Variants in PRKN observed in about 807,000 individuals in gnomAD.
PRKN encodes the protein E3 ubiquitin-protein ligase parkin.
A neutral mutation model predicts 59.5 loss-of-function variants in PRKN; 56 were observed. That is an observed-to-expected ratio of 0.94 (90% CI 0.76 to 1.18). The LOEUF (loss-of-function observed/expected upper bound fraction) is 1.18. Among genes scored for constraint, PRKN ranks in the 50% most tolerant of loss-of-function variants. The pLI, the probability that PRKN is intolerant of heterozygous loss-of-function variation, is 0.00. For missense variants in PRKN, 657 were observed against 596.4 expected (o/e 1.10, Z -1.06); for synonymous variants, 250 against 222.1 (o/e 1.13, Z -1.12).
intron 7 of PRKN, among the ~76,000 whole-genome samples, chr6:161,603,366 G>A (rs1468069403): frequency 6.6e-6 from 1 of 152,116 alleles, no homozygotes; most frequent in Non-Finnish European, 1.5e-5. Flanking sequence ...ACTTCCCATG[G>A]GAATCGTCCA....
intron 2 of PRKN, among the ~76,000 whole-genome samples, chr6:162,288,820 A>G (rs1408278105): frequency 6.6e-6 from 1 of 152,222 alleles, no homozygotes; most frequent in African/African-American, 2.4e-5. Flanking sequence ...GCAGATACCT[A>G]TGCTTGGCTG....
intron 1 of PRKN, among the ~76,000 whole-genome samples, chr6:162,613,716 C>G (rs1207897763): frequency 6.6e-6 from 1 of 152,174 alleles, no homozygotes; most frequent in African/African-American, 2.4e-5. Flanking sequence ...TGAAAGTCAT[C>G]CTTCCTGAGT....
intron 3 of PRKN, among the ~76,000 whole-genome samples, chr6:162,246,244 C>T (rs1469635089): frequency 6.6e-6 from 1 of 152,020 alleles, no homozygotes. Context: ...TGCAATCTGA[C>T]TACTGTCCTT....
chr6:161,872,950 T>G (rs1157438350), intron 6 of PRKN, among the ~76,000 whole-genome samples: 1 of 139,970 alleles, frequency 7.1e-6, no homozygotes, highest in Non-Finnish European at 1.5e-5. Context: ...CTGTAAGACA[T>G]ACAGTAATGA....
At chr6:161,913,997 C>A (rs1457885358) in intron 6 of PRKN, among the ~76,000 whole-genome samples, 1 of 152,168 alleles carries the variant, frequency 6.6e-6, no homozygotes, top group Non-Finnish European at 1.5e-5. Context: ...GGACTTCATA[C>A]CCTCCAGAAT....
rs576301487 is a variant in PRKN at position 162,057,349 on chromosome 6, C to T, written c.535-3175G>A. 5.3e-5 allele frequency among the ~76,000 whole-genome samples: 8 copies of T among 152,140 alleles called. No homozygotes were observed. The East Asian group carries it at 1.4e-3, about 26-fold the overall frequency. On this transcript the variant is annotated intron_variant, in intron 4 of 11. Coordinates refer to ENST00000366898, the MANE Select transcript of PRKN (RefSeq NM_004562.3). ...AGCTTGGACAATATAAAAGCAAAAA[C>T]AGAAATGTGAGGACTTGGAAGGCAG...
chr6:161,870,078 GT>G (rs1433785663), intron 6 of PRKN, among the ~76,000 whole-genome samples: 1 of 152,120 alleles, frequency 6.6e-6, no homozygotes, highest in Admixed American at 6.6e-5. Flanking sequence ...GGATAGAAAA[GT>G]ACATTTTCTC....
intron 1 of PRKN, among the ~76,000 whole-genome samples, chr6:162,705,470 T>A (rs1483492148): frequency 6.6e-6 from 1 of 152,118 alleles, no homozygotes; most frequent in Non-Finnish European, 1.5e-5. Flanking sequence ...AAGTGTAAAA[T>A]CTAGATGTCC....
intron 2 of PRKN, among the ~76,000 whole-genome samples, chr6:162,277,556 A>T (rs796450760): frequency 8.8e-5 from 13 of 148,154 alleles, no homozygotes; most frequent in South Asian, 6.5e-4. Context: ...AGAATAATTT[A>T]AAAAAATTAT....
At chr6:161,541,752 C>T (rs985435473) in intron 9 of PRKN, among the ~76,000 whole-genome samples, 4 of 151,356 alleles carry the variant, frequency 2.6e-5, no homozygotes, top group Admixed American at 1.3e-4. Flanking sequence ...ACCTTGAAGG[C>T]GGAGGTGACA....
chr6:161,694,171 C>T (rs933796810), intron 7 of PRKN, among the ~76,000 whole-genome samples: 1 of 152,146 alleles, frequency 6.6e-6, no homozygotes, highest in Admixed American at 6.5e-5. Context: ...TGATATCCTT[C>T]ATTTACCAGA....
intron 7 of PRKN, among the ~76,000 whole-genome samples, chr6:161,740,737 CAG>C (rs1361838169): frequency 6.6e-6 from 1 of 152,202 alleles, no homozygotes; most frequent in African/African-American, 2.4e-5. Flanking sequence ...TGATTCAGTG[CAG>C]AGTCTCACAT....
chr6:162,140,878 C>T (rs1362631717), intron 4 of PRKN, among the ~76,000 whole-genome samples: 1 of 152,168 alleles, frequency 6.6e-6, no homozygotes, highest in Non-Finnish European at 1.5e-5. Flanking sequence ...CCTGTAATCC[C>T]AGCTCTTTGG....
At chr6:161,955,271 T>C (rs1229464760) in intron 6 of PRKN, among the ~76,000 whole-genome samples, 1 of 152,054 alleles carries the variant, frequency 6.6e-6, no homozygotes. Context: ...CCACCCTTCA[T>C]TGGTGACAAA....
Position 162,639,744 on chromosome 6 carries a change from C to G in PRKN, c.7+87918G>C, listed in dbSNP as rs950269519. 4.6e-5 allele frequency among the ~76,000 whole-genome samples: 7 copies of G among 151,950 alleles called. No individual in the cohort carries two copies. The East Asian group carries it at 1.4e-3, about 29-fold the overall frequency. On this transcript the variant is annotated intron_variant, in intron 1 of 11. Transcript: ENST00000366898. ...ACCCCTTATGATTATAAATAATCCT[C>G]AAAGATTATCTTTAAAGAAAAAGTC...
chr6:161,380,017 G>A (rs1378443972), intron 10 of PRKN, among the ~76,000 whole-genome samples: 3 of 152,146 alleles, frequency 2.0e-5, no homozygotes, highest in Non-Finnish European at 4.4e-5. Flanking sequence ...CCTGCCTGTG[G>A]CTGATAAGGC....
chr6:161,868,254 C>G (rs889396138), intron 6 of PRKN, among the ~76,000 whole-genome samples: 1 of 147,554 alleles, frequency 6.8e-6, no homozygotes, highest in Admixed American at 6.6e-5. Flanking sequence ...ACGCAAGATC[C>G]TAAAATAAGA....
chr6:162,017,735 T>C (rs1309228928), intron 5 of PRKN, among the ~76,000 whole-genome samples: 5 of 152,212 alleles, frequency 3.3e-5, no homozygotes. Flanking sequence ...ACATCCATCA[T>C]CTTCTGAAAC....
intron 6 of PRKN, among the ~76,000 whole-genome samples, chr6:161,941,157 T>G (rs944672754): frequency 3.9e-5 from 6 of 152,188 alleles, no homozygotes; most frequent in Admixed American, 3.9e-4. Context: ...ACAATTATTT[T>G]CATTTTCCTG....
Sources: gnomAD v4.1 joint callset for allele counts (sites outside exome capture counted in the v4.1 genomes callset) on GRCh38, gnomAD v4.1.1 for gene constraint, MANE v1.5 for transcripts, NCBI Gene and HGNC (gene_info 2026-07-23, HGNC 2026-07-21) for gene names.